Variants in ARHGEF3 observed in about 807,000 individuals in gnomAD.
ARHGEF3 encodes the protein Rho guanine nucleotide exchange factor 3, also known as 59.8 kDA protein.
A neutral mutation model predicts 63.2 loss-of-function variants in ARHGEF3; 28 were observed. The observed-to-expected ratio is 0.44, with a 90% CI of 0.33 to 0.61. ARHGEF3 has a LOEUF of 0.61. ARHGEF3 is among the 20% of genes least tolerant of loss of function. ARHGEF3 has a pLI of 0.03. For missense variants in ARHGEF3, 533 were observed against 659.3 expected, an observed-to-expected ratio of 0.81 and a Z score of 2.10; for synonymous variants, 266 against 254.2, an observed-to-expected ratio of 1.05 and a Z score of -0.44.
At chr3:56,989,459 T>G (rs1398170355) in intron 2 of ARHGEF3, among the ~76,000 whole-genome samples, 2 of 152,156 alleles carry the variant, frequency 1.3e-5, no homozygotes, top group Non-Finnish European at 2.9e-5. Flanking sequence ...GACTCCAAAG[T>G]GTACAGAGAG....
chr3:57,001,233 C>T (rs775780009), intron 2 of ARHGEF3, among the ~76,000 whole-genome samples: 3 of 152,172 alleles, frequency 2.0e-5, no homozygotes, highest in Non-Finnish European at 2.9e-5. Flanking sequence ...AGCCACTGTG[C>T]CAGGTCCTTC....
chr3:57,074,032 T>G (rs1233108310), intron 1 of ARHGEF3: 1 of 1,614,214 alleles, frequency 6.2e-7, no homozygotes, highest in South Asian at 1.1e-5. Flanking sequence ...GCTCTCCTGA[T>G]ACAGCAAGGC....
At chr3:57,073,478 T>A (rs1335621682) in intron 1 of ARHGEF3, 1 of 637,842 alleles carries the variant, frequency 1.6e-6, no homozygotes, top group South Asian at 3.1e-5. Context: ...GAAGCAAAGA[T>A]GTGAACATGG....
intron 1 of ARHGEF3, among the ~76,000 whole-genome samples, chr3:56,799,963 C>T (rs1310152535): frequency 1.3e-5 from 2 of 152,092 alleles, no homozygotes; most frequent in African/African-American, 2.4e-5. Context: ...AGGATATCCC[C>T]ATACGAGGAA....
chr3:56,827,430 C>T lies in ARHGEF3; in HGVS notation c.193-53614G>A, dbSNP rs1439555737. 3.3e-5 allele frequency among the ~76,000 whole-genome samples: 5 copies of T among 152,130 alleles called. 1 individual carries two copies. Among genetic ancestry groups the T allele is most frequent in the South Asian group, 4.1e-4 (2 of 4,822 alleles). ...GTCCAGGTTTAAATCTCAGCTCTGC[C>T]ACTTTCTTGCTTGTGACCTGGGCAA... On this transcript the variant is annotated intron_variant, in intron 4 of 12. Transcript: ENST00000338458.
At chr3:56,894,384 G>C (rs2041231491) in intron 3 of ARHGEF3, among the ~76,000 whole-genome samples, 1 of 152,190 alleles carries the variant, frequency 6.6e-6, no homozygotes, top group Admixed American at 6.5e-5. Flanking sequence ...TAATTTATCT[G>C]AGTATCCTAC....
chr3:56,791,407 C>T (rs1456799845), intron 1 of ARHGEF3, among the ~76,000 whole-genome samples: 2 of 152,140 alleles, frequency 1.3e-5, no homozygotes, highest in Non-Finnish European at 2.9e-5. Context: ...TGTGCCACTG[C>T]ACTCCAGCCT....
chr3:56,948,440 AG>A (rs1338552366), intron 3 of ARHGEF3, among the ~76,000 whole-genome samples: 2 of 152,202 alleles, frequency 1.3e-5, no homozygotes, highest in East Asian at 1.9e-4. Flanking sequence ...AAAATGATAA[AG>A]GGGATATCAC....
At chr3:57,027,277 C>T (rs1419864527) in intron 2 of ARHGEF3, among the ~76,000 whole-genome samples, 1 of 152,198 alleles carries the variant, frequency 6.6e-6, no homozygotes, top group East Asian at 1.9e-4. Flanking sequence ...ACTTCCTCCC[C>T]TAACACCCTC....
chr3:56,990,257 G>T (rs1701699041), intron 2 of ARHGEF3, among the ~76,000 whole-genome samples: 1 of 152,228 alleles, frequency 6.6e-6, no homozygotes, highest in African/African-American at 2.4e-5. Flanking sequence ...GAGAACTTTA[G>T]CAGAGTCCAG....
At chr3:57,009,312 G>A (rs1702589613) in intron 2 of ARHGEF3, among the ~76,000 whole-genome samples, 1 of 152,040 alleles carries the variant, frequency 6.6e-6, no homozygotes, top group Non-Finnish European at 1.5e-5. Context: ...ACCAACTTGG[G>A]GCCTATCCCC....
intron 3 of ARHGEF3, among the ~76,000 whole-genome samples, chr3:56,944,845 C>T (rs1483427060): frequency 1.3e-5 from 2 of 152,020 alleles, no homozygotes; most frequent in African/African-American, 2.4e-5. Context: ...TCCCAAAGTG[C>T]TGGAATTACA....
intron 3 of ARHGEF3, among the ~76,000 whole-genome samples, chr3:56,931,530 C>T (rs934377478): frequency 8.5e-6 from 1 of 117,662 alleles, no homozygotes; most frequent in Non-Finnish European, 1.6e-5. Flanking sequence ...GAGCCATGAT[C>T]GTGCTACTGC....
At chr3:57,056,533 G>A (rs1171353083) in intron 1 of ARHGEF3, among the ~76,000 whole-genome samples, 1 of 152,042 alleles carries the variant, frequency 6.6e-6, no homozygotes, top group Non-Finnish European at 1.5e-5. Context: ...AGGACCAGCA[G>A]ACTCAGAGGC....
In ARHGEF3 at chr3:57,053,336, G is replaced by A. The variant is rs550535890; in HGVS notation, c.-27-18160C>T. On this transcript the variant is annotated intron_variant, in intron 1 of 12. Coordinates refer to the ARHGEF3 transcript ENST00000338458. ...AGCAATCACCGCTGCCCACACCTGG[G>A]GCAGGGAGGAGCTCCATGGCAGGAA... Among the ~76,000 whole-genome samples, 7 of 152,144 alleles carry A rather than the reference G, an allele frequency of 4.6e-5. No homozygotes were observed. The South Asian group carries it at 8.3e-4, about 18-fold the overall frequency.
intron 4 of ARHGEF3, among the ~76,000 whole-genome samples, chr3:56,817,503 T>C (rs905968697): frequency 5.3e-5 from 8 of 152,158 alleles, no homozygotes; most frequent in Non-Finnish European, 1.0e-4. Flanking sequence ...AAAGACAGGT[T>C]TGAGTTAACT....
At chr3:57,073,098 T>C (rs1403318065) in intron 1 of ARHGEF3, among the ~76,000 whole-genome samples, 1 of 152,080 alleles carries the variant, frequency 6.6e-6, no homozygotes, top group African/African-American at 2.4e-5. Flanking sequence ...ACATACAAAA[T>C]GAGCCCATTA....
At chr3:56,861,565 G>A (rs2040073151) in intron 4 of ARHGEF3, among the ~76,000 whole-genome samples, 1 of 152,132 alleles carries the variant, frequency 6.6e-6, no homozygotes, top group African/African-American at 2.4e-5. Context: ...CCTGAGCCCG[G>A]GATTTTCTCT....
intron 2 of ARHGEF3, among the ~76,000 whole-genome samples, chr3:56,981,370 C>T (rs990078884): frequency 6.6e-6 from 1 of 152,102 alleles, no homozygotes; most frequent in Admixed American, 6.6e-5. Flanking sequence ...GCTCACTTTC[C>T]ATTACCAGAC....
Sources: allele counts gnomAD v4.1 joint callset (sites outside exome capture counted in the v4.1 genomes callset), GRCh38; gene constraint gnomAD v4.1.1; transcripts MANE v1.5; gene names NCBI Gene and HGNC (gene_info 2026-07-23, HGNC 2026-07-21).